SCD5: variants seen among roughly 807,000 people sequenced by gnomAD.
The protein encoded by SCD5 is stearoyl-CoA desaturase 5.
A neutral mutation model predicts 30.4 loss-of-function variants in SCD5; 20 were observed. That is an observed-to-expected ratio of 0.66 (90% CI 0.46 to 0.96). SCD5 has a LOEUF of 0.96. Ranked by LOEUF, SCD5 falls within the 40% of genes least tolerant of loss-of-function variation. The pLI is 0.00. For missense variants in SCD5, 381 were observed against 443.3 expected, an observed-to-expected ratio of 0.86 and a Z score of 1.26; for synonymous variants, 173 against 176.4, an observed-to-expected ratio of 0.98 and a Z score of 0.16.
chr4:82,711,310 G>A (rs1720081516), intron 1 of SCD5, among the ~76,000 whole-genome samples: 1 of 151,238 alleles, frequency 6.6e-6, no homozygotes, highest in African/African-American at 2.4e-5. Flanking sequence ...GCAATGTTTT[G>A]AGACATTATT....
At chr4:82,713,544 C>T (rs571023789) in intron 1 of SCD5, among the ~76,000 whole-genome samples, 4 of 152,202 alleles carry the variant, frequency 2.6e-5, no homozygotes, top group Non-Finnish European at 4.4e-5. Context: ...TTAACCAATA[C>T]AGCAATTGTC....
intron 3 of SCD5, among the ~76,000 whole-genome samples, chr4:82,669,761 A>G (rs865962852): frequency 8.5e-5 from 13 of 152,210 alleles, no homozygotes; most frequent in African/African-American, 2.7e-4. Context: ...CCACTTTGAA[A>G]TATACCAGAG....
chr4:82,677,478 C>T (rs1331623023), intron 3 of SCD5, among the ~76,000 whole-genome samples: 3 of 152,228 alleles, frequency 2.0e-5, no homozygotes, highest in African/African-American at 4.8e-5. Flanking sequence ...CCTATCCCCA[C>T]ATATAATGAC....
intron 1 of SCD5, among the ~76,000 whole-genome samples, chr4:82,705,750 G>A (rs74989197): frequency 4.6e-5 from 7 of 152,084 alleles, no homozygotes; most frequent in Non-Finnish European, 8.8e-5. Flanking sequence ...ATACACTCTC[G>A]GCAGGGCAGA....
intron 2 of SCD5, among the ~76,000 whole-genome samples, chr4:82,685,985 GC>G (rs1728695370): frequency 6.6e-6 from 1 of 151,600 alleles, no homozygotes; most frequent in Non-Finnish European, 1.5e-5. Flanking sequence ...ACTGAGCAGT[GC>G]AAGTCTAACT....
At chr4:82,639,314 T>C (rs1372631828) in intron 3 of SCD5, among the ~76,000 whole-genome samples, 1 of 152,110 alleles carries the variant, frequency 6.6e-6, no homozygotes, top group African/African-American at 2.4e-5. Flanking sequence ...TCTAGAGTCA[T>C]GGGCAGAAGG....
chr4:82,718,055 T>C lies in SCD5; in HGVS notation c.233-12642A>G, dbSNP rs568693443. On this transcript the variant is annotated intron_variant, in intron 1 of 4. Coordinates refer to ENST00000319540, the MANE Select transcript of SCD5 (RefSeq NM_001037582.3). ...TGCTGTCATCATCTGAACTGAGTAG[T>C]TATGGGTCATTATCACCTTTTTTTT... 4.0e-4 allele frequency among the ~76,000 whole-genome samples: 57 copies of C among 144,246 alleles called. 1 individual carries two copies. The highest frequency in any genetic ancestry group is 1.2e-4 in the Non-Finnish European group (8 of 67,114). The allele number at this position is 144,246 out of a possible 152,430, so 94.6% of individuals were successfully genotyped here.
intron 1 of SCD5, among the ~76,000 whole-genome samples, chr4:82,732,133 C>CACCCAG (rs1720657276): frequency 6.6e-6 from 1 of 152,010 alleles, no homozygotes; most frequent in Admixed American, 6.6e-5. Flanking sequence ...CGGAGTCTTG[C>CACCCAG]TCTGTCACCC....
intron 3 of SCD5, among the ~76,000 whole-genome samples, chr4:82,666,880 G>T (rs1728201209): frequency 6.6e-6 from 1 of 152,156 alleles, no homozygotes; most frequent in African/African-American, 2.4e-5. Context: ...ACATGACAGA[G>T]TTATCGAAAG....
At chr4:82,666,072 G>C (rs901212868) in intron 3 of SCD5, among the ~76,000 whole-genome samples, 1 of 151,796 alleles carries the variant, frequency 6.6e-6, no homozygotes, top group African/African-American at 2.4e-5. Flanking sequence ...GAGCTGCGGG[G>C]TTATAGAAAT....
chr4:82,673,150 T>C (rs1163384109), intron 3 of SCD5, among the ~76,000 whole-genome samples: 1 of 152,112 alleles, frequency 6.6e-6, no homozygotes, highest in African/African-American at 2.4e-5. Flanking sequence ...TTTGACATTA[T>C]ATGGAAGTCC....
At chr4:82,782,078 G>C (rs11729295) in intron 1 of SCD5, among the ~76,000 whole-genome samples, 13,064 of 150,582 alleles carry the variant, frequency 0.087, 1,183 homozygotes, top group African/African-American at 0.23. Context: ...CACTTACAAA[G>C]GACCCTCCTA....
chr4:82,676,922 TTA>T (rs1728449010), intron 3 of SCD5, among the ~76,000 whole-genome samples: 1 of 152,250 alleles, frequency 6.6e-6, no homozygotes, highest in Non-Finnish European at 1.5e-5. Context: ...CTTCGTAAGA[TTA>T]TCTTTTAGGG....
At chr4:82,695,906 T>C (rs1442958199) in intron 2 of SCD5, among the ~76,000 whole-genome samples, 1 of 152,198 alleles carries the variant, frequency 6.6e-6, no homozygotes, top group Admixed American at 6.5e-5. Flanking sequence ...GCCCTAAAAG[T>C]CAGTGTGACA....
intron 2 of SCD5, among the ~76,000 whole-genome samples, chr4:82,698,509 G>T (rs976113079): frequency 6.6e-6 from 1 of 152,180 alleles, no homozygotes; most frequent in African/African-American, 2.4e-5. Context: ...CCATGGAAAC[G>T]CATGAGGCCA....
At chr4:82,757,671 T>A (rs575537287) in intron 1 of SCD5, among the ~76,000 whole-genome samples, 80 of 152,300 alleles carry the variant, frequency 5.3e-4, no homozygotes, top group Middle Eastern at 3.4e-3. Flanking sequence ...TTACTGGCCA[T>A]GTGACCTTGG....
chr4:82,721,939 C>A (rs1389881109), intron 1 of SCD5, among the ~76,000 whole-genome samples: 1 of 152,254 alleles, frequency 6.6e-6, no homozygotes, highest in Non-Finnish European at 1.5e-5. Flanking sequence ...GAAGCCACCA[C>A]TTAACCAAGA....
At chr4:82,661,551 G>A (rs73829959) in intron 3 of SCD5, among the ~76,000 whole-genome samples, 5,372 of 152,276 alleles carry the variant, frequency 0.035, 121 homozygotes, top group Middle Eastern at 0.092. Flanking sequence ...GCTGTCACAA[G>A]GACATCAACC....
intron 1 of SCD5, among the ~76,000 whole-genome samples, chr4:82,735,566 C>T (rs940853885): frequency 5.9e-5 from 9 of 152,226 alleles, no homozygotes; most frequent in African/African-American, 2.2e-4. Flanking sequence ...GGAGCCGCCA[C>T]ATTCGTTACT....
Sources: gnomAD v4.1 joint callset for allele counts (sites outside exome capture counted in the v4.1 genomes callset) on GRCh38, gnomAD v4.1.1 for gene constraint, MANE v1.5 for transcripts, NCBI Gene and HGNC (gene_info 2026-07-23, HGNC 2026-07-21) for gene names.